Variants in TANC2 observed in about 807,000 individuals in gnomAD.
TANC2 encodes the protein tetratricopeptide repeat, ankyrin repeat and coiled-coil containing 2, also known as protein TANC2.
In TANC2, 26 loss-of-function variants were observed where a neutral mutation model predicts 210.5. The ratio of observed to expected loss-of-function variants is 0.12; its 90% CI spans 0.09 to 0.17. TANC2 has a LOEUF of 0.17. Among genes scored for constraint, TANC2 ranks in the 10% least tolerant of loss-of-function variants. The pLI, the probability that TANC2 is intolerant of heterozygous loss-of-function variation, is 1.00. For synonymous variants in TANC2, 931 were observed against 967.1 expected (o/e 0.96, Z 0.69); for missense variants, 2,129 against 2,608.9 (o/e 0.82, Z 4.01).
rs2039096674 is a variant in TANC2, at chr17:63,136,566, A to G, written c.323-14704A>G. Among the ~76,000 whole-genome samples the G allele has an allele frequency of 3.3e-5, 5 of 152,330 alleles. No homozygotes were observed. The South Asian group carries it at 1.0e-3, about 32-fold the overall frequency. On this transcript the variant is annotated intron_variant, in intron 4 of 27. Coordinates refer to ENST00000689528, the Ensembl canonical transcript of TANC2. ...GGCACTATTATAGGCAGTACTAAGG[A>G]TATAGCAGTATATAAAACAGACAAA...
In TANC2 at chr17:63,308,389, T is replaced by C. The variant is rs188943612; in HGVS notation, c.1160-5999T>C. 2.0e-3 allele frequency among the ~76,000 whole-genome samples: 297 copies of C among 152,202 alleles called. 1 individual carries two copies. Among genetic ancestry groups the C allele is most frequent in the African/African-American group, 6.8e-3 (284 of 41,520 alleles). On this transcript the variant is annotated intron_variant, in intron 9 of 27. Transcript: ENST00000689528. ...TTCATCACATTTTCTGGGACTATTA[T>C]AGTGAGTAGTAGTCTTCAGGGTATC... is the stretch of plus-strand genomic sequence containing the variant.
chr17:63,245,896 G>C (rs2042905062), intron 8 of TANC2, among the ~76,000 whole-genome samples: 1 of 150,680 alleles, frequency 6.6e-6, no homozygotes, highest in Non-Finnish European at 1.5e-5. Flanking sequence ...TGTAATCCCA[G>C]CTGCTCAGGA....
At chr17:63,103,999 C>T (rs1312278745) in intron 4 of TANC2, among the ~76,000 whole-genome samples, 1 of 151,862 alleles carries the variant, frequency 6.6e-6, no homozygotes, top group East Asian at 1.9e-4. Context: ...AGTCCCTCCA[C>T]ATGTGTCTCA....
intron 12 of TANC2, among the ~76,000 whole-genome samples, chr17:63,341,207 C>G (rs1159840820): frequency 6.6e-6 from 1 of 152,200 alleles, no homozygotes; most frequent in Non-Finnish European, 1.5e-5. Flanking sequence ...TCAGTTATTT[C>G]AGCTTCCATG....
intron 4 of TANC2, among the ~76,000 whole-genome samples, chr17:63,123,507 C>T (rs549818054): frequency 6.1e-5 from 9 of 148,480 alleles, no homozygotes; most frequent in South Asian, 2.1e-4. Context: ...TGCAGTGAGC[C>T]GAGATTGCGC....
chr17:63,328,372 G>GTA (rs921108812), intron 11 of TANC2, among the ~76,000 whole-genome samples: 15 of 124,310 alleles, frequency 1.2e-4, no homozygotes, highest in African/African-American at 1.6e-4. Flanking sequence ...ATGTGTATGT[G>GTA]TATATGTGTG....
intron 2 of TANC2, among the ~76,000 whole-genome samples, chr17:63,019,816 GATGT>G (rs1446941882): frequency 9.8e-5 from 2 of 20,398 alleles, no homozygotes; most frequent in African/African-American, 2.2e-4. Flanking sequence ...TCTTCAATTG[GATGT>G]ATGTGTGTGT....
At chr17:63,006,142 T>G (rs1468623218) in intron 1 of TANC2, among the ~76,000 whole-genome samples, 1 of 152,146 alleles carries the variant, frequency 6.6e-6, no homozygotes, top group Non-Finnish European at 1.5e-5. Flanking sequence ...ATTTCATTTC[T>G]GATATTGGTG....
chr17:63,001,934 C>T (rs2033407934), intron 1 of TANC2, among the ~76,000 whole-genome samples: 1 of 152,186 alleles, frequency 6.6e-6, no homozygotes, highest in African/African-American at 2.4e-5. Flanking sequence ...AAATATTTAG[C>T]ACTTCCTGTG....
chr17:63,409,191 A>G (rs2048610556), intron 21 of TANC2, among the ~76,000 whole-genome samples: 2 of 151,890 alleles, frequency 1.3e-5, no homozygotes, highest in Admixed American at 1.3e-4. Context: ...CTTTTTTTAG[A>G]GGCAAGGTCT....
intron 2 of TANC2, among the ~76,000 whole-genome samples, chr17:63,063,581 T>C (rs1001269208): frequency 1.4e-5 from 2 of 141,074 alleles, no homozygotes; most frequent in Non-Finnish European, 3.1e-5. Context: ...TGTGTAGATA[T>C]ATCTCTTACA....
At chr17:63,166,182 G>A (rs536671822) in intron 5 of TANC2, among the ~76,000 whole-genome samples, 178 of 152,324 alleles carry the variant, frequency 1.2e-3, no homozygotes, top group Non-Finnish European at 1.1e-3. Flanking sequence ...AGAGTAGGAA[G>A]TTGTGATGGA....
intron 8 of TANC2, among the ~76,000 whole-genome samples, chr17:63,249,767 A>G (rs1211606227): frequency 1.3e-5 from 2 of 152,302 alleles, no homozygotes; most frequent in East Asian, 3.9e-4. Flanking sequence ...TCAAGGGTAT[A>G]AGGACAGCAG....
intron 14 of TANC2, among the ~76,000 whole-genome samples, chr17:63,375,411 G>C (rs2047394832): frequency 6.6e-6 from 1 of 152,196 alleles, no homozygotes; most frequent in Non-Finnish European, 1.5e-5. Context: ...GCATTTCTTA[G>C]TTATGGTGGT....
At chr17:63,403,079 A>T (rs752521255) in intron 19 of TANC2, among the ~76,000 whole-genome samples, 45 of 152,202 alleles carry the variant, frequency 3.0e-4, no homozygotes, top group Non-Finnish European at 6.2e-4. Flanking sequence ...TCACATGTAA[A>T]TGTGTTATCC....
rs184753715 is a variant in TANC2 at position 62,975,677 on chromosome 17, C to T, written c.-24+8928C>T. ...AGTTTAGAAATTCCAATGATGAGAC[C>T]AGTATATATTGGAAAGAATATGACT... is the stretch of plus-strand genomic sequence containing the variant. On this transcript the variant is annotated intron_variant, in intron 1 of 27. Transcript: ENST00000689528. Among the ~76,000 whole-genome samples, 86 of 151,404 alleles carry T rather than the reference C, an allele frequency of 5.7e-4. 1 individual carries two copies. The highest frequency in any genetic ancestry group is 2.1e-3 in the African/African-American group (85 of 41,220).
chr17:63,312,155 A>C (rs565831685), intron 9 of TANC2, among the ~76,000 whole-genome samples: 1 of 152,342 alleles, frequency 6.6e-6, no homozygotes, highest in Admixed American at 6.5e-5. Flanking sequence ...ACTAGATTTT[A>C]AAAGGATTTT....
At chr17:63,309,224 C>A (rs2045034442) in intron 9 of TANC2, among the ~76,000 whole-genome samples, 1 of 152,078 alleles carries the variant, frequency 6.6e-6, no homozygotes, top group Non-Finnish European at 1.5e-5. Flanking sequence ...TCTTATGAAT[C>A]ATTTCCTTAG....
chr17:63,007,999 T>C (rs2033698852), intron 1 of TANC2, among the ~76,000 whole-genome samples: 1 of 151,786 alleles, frequency 6.6e-6, no homozygotes, highest in African/African-American at 2.4e-5. Context: ...TTTTTTTTTT[T>C]TTTTTTCAGA....
Sources: gnomAD v4.1 joint callset for allele counts (sites outside exome capture counted in the v4.1 genomes callset) on GRCh38, gnomAD v4.1.1 for gene constraint, MANE v1.5 for transcripts, NCBI Gene and HGNC (gene_info 2026-07-23, HGNC 2026-07-21) for gene names.